The following WRNIP1 variants were observed in gnomAD, a reference collection of about 807,000 sequenced individuals.
WRNIP1 encodes ATPase WRNIP1.
Under a neutral mutation model 56.1 loss-of-function variants are expected in WRNIP1, and 41 were observed. The ratio of observed to expected loss-of-function variants is 0.73; its 90% CI spans 0.57 to 0.95. The LOEUF (loss-of-function observed/expected upper bound fraction) is 0.95, where lower values mean the gene tolerates loss of function less well. Ranked by LOEUF, WRNIP1 falls within the 40% of genes least tolerant of loss-of-function variation. The pLI, the probability that WRNIP1 is intolerant of heterozygous loss-of-function variation, is 0.00. For missense variants in WRNIP1, 1,170 were observed against 939.4 expected (o/e 1.25, Z -3.21); for synonymous variants, 547 against 398.1 (o/e 1.37, Z -4.45).
Position 2,783,653 on chromosome 6 carries a change from T to TTTTTTTTTTGG in WRNIP1, c.1642+92_1642+93insTTTTTTTTTGG. ...TCGTGGCTTTTTTTTTTTTTTTTTT[T>TTTTTTTTTTGG]GCAGGGCGGGGTGGGCGGGGGTAGC... On this transcript the variant is annotated intron_variant, in intron 5 of 6. Transcript: ENST00000380773. The TTTTTTTTTTGG allele has an allele frequency of 6.7e-5, 8 of 120,102 alleles. 1 individual carries two copies. The highest frequency in any genetic ancestry group is 5.7e-4 in the South Asian group (2 of 3,482). The allele number at this position is 120,102 out of a possible 1,614,324, so 7.4% of individuals were successfully genotyped here. A position where few individuals can be genotyped will look rare whatever the true frequency, so the allele number is the denominator to read the frequency against.
In WRNIP1 at chr6:2,779,487, G is replaced by T; in HGVS notation, c.1481G>T (p.Arg494Leu). 6.2e-7 allele frequency: 1 copy of T among 1,612,670 alleles called. No individual in the cohort carries two copies. The highest frequency in any genetic ancestry group is 8.5e-7 in the Non-Finnish European group (1 of 1,179,280). The change falls in exon 4 of 7, where the codon CGG becomes CTG. Residue 494 changes from arginine to leucine, a missense_variant. Physicochemically the swap from Arg to Leu is moderately radical, Grantham distance 102 (BLOSUM62 -2). Transcript: ENST00000380773. ...GLQRSHILYD[R>L]AGEEHYNCIS... ...CAGCGATCCCACATTTTATATGACC[G>T]GGCAGGTAAGTAATTCACCTGTGGA... is the stretch of plus-strand genomic sequence containing the variant.
At position 2,766,462 on chromosome 6, in the gene WRNIP1, C is replaced by A. The variant is rs750797144; in HGVS notation, c.822+18C>A. On this transcript the variant is annotated intron_variant, in intron 1 of 6. Transcript: ENST00000380773. ...GCGGCAAGGTGAGTGCGGCCTTGGCCGTTGGGCTTCCGTAGTTATCTCGGC... is the reference window on the plus strand; with the variant it reads ...GCGGCAAGGTGAGTGCGGCCTTGGCAGTTGGGCTTCCGTAGTTATCTCGGC... 2.7e-6 allele frequency: 4 copies of A among 1,496,334 alleles called. No individual in the cohort carries two copies. Among genetic ancestry groups the A allele is most frequent in the Non-Finnish European group, 1.8e-6 (2 of 1,110,046 alleles). The allele number at this position is 1,496,334 out of a possible 1,614,324, so 92.7% of individuals were successfully genotyped here. A position where few individuals can be genotyped will look rare whatever the true frequency, so the allele number is the denominator to read the frequency against.
chr6:2,775,399 G>C (rs1454694776), intron 3 of WRNIP1, among the ~76,000 whole-genome samples: 1 of 152,198 alleles, frequency 6.6e-6, no homozygotes, highest in Admixed American at 6.5e-5. Context: ...TGTCTAACTT[G>C]ATGCATATCC....
chr6:2,768,383 G>T (rs1032097024), intron 1 of WRNIP1, among the ~76,000 whole-genome samples: 4 of 152,172 alleles, frequency 2.6e-5, no homozygotes, highest in Non-Finnish European at 5.9e-5. Flanking sequence ...CAAGACAGCC[G>T]TTCTTTACTG....
At chr6:2,775,116 G>T (rs547065384) in intron 3 of WRNIP1, among the ~76,000 whole-genome samples, 1 of 152,360 alleles carries the variant, frequency 6.6e-6, no homozygotes, top group African/African-American at 2.4e-5. Flanking sequence ...GATGGAGCCA[G>T]TGTTTAAGGC....
intron 3 of WRNIP1, chr6:2,773,460 C>T (rs1765358687): frequency 1.0e-6 from 1 of 985,240 alleles, no homozygotes. Context: ...CAGAATTTAA[C>T]TGAGTGAAAT....
Position 2,765,568 on chromosome 6 carries a change from G to A in WRNIP1, c.-55G>A, listed in dbSNP as rs918791211. 25 of 1,403,604 alleles carry A rather than the reference G, an allele frequency of 1.8e-5. No individual in the cohort carries two copies. Among genetic ancestry groups the A allele is most frequent in the Non-Finnish European group, 2.3e-5 (25 of 1,085,394 alleles). 86.9% of individuals were successfully genotyped at this position (1,403,604 alleles called of 1,614,324 possible). On this transcript the variant is annotated 5_prime_UTR_variant, in exon 1 of 7. Transcript: ENST00000380773. ...CTAGCGGAGGGCATCGAAGGCCTCC[G>A]CGTGCGCACGGGTTGCTGCGGCCGC...
chr6:2,766,310 A>G lies in WRNIP1; in HGVS notation c.688A>G (p.Thr230Ala), dbSNP rs749900227. The G allele has an allele frequency of 1.2e-6, 2 of 1,609,902 alleles. No homozygotes were observed. Among genetic ancestry groups the G allele is most frequent in the South Asian group, 2.2e-5 (2 of 90,452 alleles). The change falls in exon 1 of 7, where the codon ACG becomes GCG. Residue 230 changes from threonine (T) to alanine (A), a missense_variant. Thr to Ala is a moderately conservative substitution (Grantham distance 58). Transcript: ENST00000380773. Reference protein sequence around the residue: ...QMLQGKPLADTMRPDTLQDYF... With the variant: ...QMLQGKPLADAMRPDTLQDYF... ...GCTACAGGGCAAGCCGCTGGCCGAC[A>G]CGATGCGTCCTGACACGCTGCAGGA... is the stretch of plus-strand genomic sequence containing the variant.
chr6:2,784,345 TAACAC>T lies in WRNIP1; in HGVS notation c.1667_1671del (p.Thr556SerfsTer15), dbSNP rs1262442265. 3.1e-6 allele frequency: 5 copies of T among 1,614,128 alleles called. No individual in the cohort carries two copies. Among genetic ancestry groups the T allele is most frequent in the Non-Finnish European group, 4.2e-6 (5 of 1,179,950 alleles). On this transcript the variant is annotated frameshift_variant, in exon 6 of 7. Coordinates refer to ENST00000380773, the MANE Select transcript of WRNIP1 (RefSeq NM_020135.3). LOFTEE classifies it high-confidence loss of function. Reference sequence around the variant, plus strand: ...GCAGGTCTGGCAGACCCGTCTGCGTTAACACAAGCGGTTGCTGCCTACCAAGGCTG... The same window carrying T: ...GCAGGTCTGGCAGACCCGTCTGCGTTAAGCGGTTGCTGCCTACCAAGGCTG...
chr6:2,765,644 G>A lies in WRNIP1; in HGVS notation c.22G>A (p.Asp8Asn), dbSNP rs754411621. The A allele has an allele frequency of 1.4e-5, 21 of 1,543,718 alleles. No homozygotes were observed. The highest frequency in any genetic ancestry group is 1.8e-5 in the Admixed American group (1 of 54,804). MEVSGPE[D>N]DPFLSQLHQV... is the part of the protein sequence containing the mutation. ...CGCCATGGAGGTGAGCGGGCCGGAA[G>A]ACGACCCCTTCCTTTCGCAGCTGCA... The change falls in exon 1 of 7, where the codon GAC becomes AAC. Residue 8 changes from aspartate to asparagine, a missense_variant. By Grantham distance (23) the Asp-to-Asn change is conservative (BLOSUM62 1). Coordinates refer to ENST00000380773, the MANE Select transcript of WRNIP1 (RefSeq NM_020135.3).
chr6:2,774,312 G>T (rs1469453030), intron 3 of WRNIP1: 1 of 982,528 alleles, frequency 1.0e-6, no homozygotes, highest in Non-Finnish European at 1.2e-6. Flanking sequence ...CAAACTGGGT[G>T]GCTCAGAACA....
Position 2,770,840 on chromosome 6 carries a change from G to A in WRNIP1, c.1256+479G>A, listed in dbSNP as rs146818666. On this transcript the variant is annotated intron_variant, in intron 3 of 6. Coordinates refer to ENST00000380773, the MANE Select transcript of WRNIP1 (RefSeq NM_020135.3). ...AAAAAAATCAAGTAAAAATTAACTT[G>A]TAACCTTAAAATTATGTAATCCTTT... Among the ~76,000 whole-genome samples the A allele has an allele frequency of 5.1e-3, 778 of 151,774 alleles. 7 individuals carry two copies. The highest frequency in any genetic ancestry group is 0.017 in the African/African-American group (703 of 41,416).
chr6:2,766,543 C>G lies in WRNIP1; in HGVS notation c.822+99C>G, dbSNP rs1237185888. ...GTGTGCTGCCCTCGAAAGAAGCCGC[C>G]TGCCTCTCCTGGATAAGGGGGTGCA... On this transcript the variant is annotated intron_variant, in intron 1 of 6. Coordinates refer to ENST00000380773, the MANE Select transcript of WRNIP1 (RefSeq NM_020135.3). The G allele has an allele frequency of 5.7e-6, 8 of 1,413,500 alleles. No homozygotes were observed. In the South Asian group the frequency reaches 9.1e-5, roughly 16 times the overall value. 87.6% of individuals were successfully genotyped at this position (1,413,500 alleles called of 1,614,324 possible).
chr6:2,779,620 C>T, intron 4 of WRNIP1, 128 bp downstream of exon 4: 1 of 977,252 alleles, frequency 1.0e-6, no homozygotes, highest in Non-Finnish European at 1.5e-6. Flanking sequence ...CAGTGATTCT[C>T]AGGTGGATCT....
At chr6:2,767,903 A>C (rs948797422) in intron 1 of WRNIP1, among the ~76,000 whole-genome samples, 3 of 152,248 alleles carry the variant, frequency 2.0e-5, no homozygotes, top group Admixed American at 6.5e-5. Flanking sequence ...TGAAAGAAGC[A>C]GCCACAGAAT....
intron 3 of WRNIP1, among the ~76,000 whole-genome samples, chr6:2,771,397 C>T (rs954644705): frequency 6.6e-6 from 1 of 152,154 alleles, no homozygotes; most frequent in African/African-American, 2.4e-5. Context: ...TTTTGGAATA[C>T]CGTTGTGATG....
At chr6:2,781,165 G>A (rs550091502) in intron 4 of WRNIP1, among the ~76,000 whole-genome samples, 57 of 152,314 alleles carry the variant, frequency 3.7e-4, no homozygotes, top group African/African-American at 1.2e-3. Flanking sequence ...CATACAGAGC[G>A]GATCTTGGAG....
rs997556244 is a variant in WRNIP1, at chr6:2,784,256, C to T, written c.1643-68C>T. The T allele has an allele frequency of 8.0e-6, 12 of 1,500,410 alleles. No homozygotes were observed. The Admixed American group carries it at 1.8e-4, about 22-fold the overall frequency. 92.9% of individuals were successfully genotyped at this position (1,500,410 alleles called of 1,614,324 possible). A position where few individuals can be genotyped will look rare whatever the true frequency, so the allele number is the denominator to read the frequency against. ...TACAAGCAGTGGTGGTCTGTGGTCG[C>T]CTGCACATAGGCCAGGAGGACAGTG... On this transcript the variant is annotated intron_variant, in intron 5 of 6. Transcript: ENST00000380773.
At position 2,766,141 on chromosome 6, in the gene WRNIP1, TGGCGAC is replaced by T. The variant is rs1410218608; in HGVS notation, c.522_527del (p.Gly176_Asp177del). Reference sequence around the variant, plus strand: ...AGGAGGAGGCCGTGGGCGACGGCGATGGCGACGGGGACGCGGACGCGGACGGCGAGG... The same window carrying T: ...AGGAGGAGGCCGTGGGCGACGGCGATGGGGACGCGGACGCGGACGGCGAGG... On this transcript the variant is annotated inframe_deletion, in exon 1 of 7. Transcript: ENST00000380773. The T allele has an allele frequency of 3.2e-6, 4 of 1,241,178 alleles. No individual in the cohort carries two copies. Among genetic ancestry groups the T allele is most frequent in the East Asian group, 3.1e-5 (1 of 32,410 alleles). 76.9% of individuals were successfully genotyped at this position (1,241,178 alleles called of 1,614,324 possible).
Sources: gnomAD v4.1 joint callset for allele counts (sites outside exome capture counted in the v4.1 genomes callset) on GRCh38, gnomAD v4.1.1 for gene constraint, MANE v1.5 for transcripts, NCBI Gene and HGNC (gene_info 2026-07-23, HGNC 2026-07-21) for gene names.